NCOA1: variants seen among roughly 807,000 people sequenced by gnomAD.
The protein encoded by NCOA1 is nuclear receptor coactivator 1, also known as Hin-2 protein.
In NCOA1, 35 loss-of-function variants were observed where a neutral mutation model predicts 150.9. The ratio of observed to expected loss-of-function variants is 0.23; its 90% confidence interval spans 0.18 to 0.31. The LOEUF (loss-of-function observed/expected upper bound fraction) is 0.31. Among genes scored for constraint, NCOA1 ranks in the 10% least tolerant of loss-of-function variants. The pLI, the probability that NCOA1 is intolerant of heterozygous loss-of-function variation, is 1.00. For missense variants in NCOA1, 1,491 were observed against 1,749.3 expected (o/e 0.85, Z 2.63); for synonymous variants, 590 against 630.0 (o/e 0.94, Z 0.95).
chr2:24,676,792 C>A (rs998537667), intron 7 of NCOA1, among the ~76,000 whole-genome samples: 12 of 152,024 alleles, frequency 7.9e-5, no homozygotes, highest in African/African-American at 2.9e-4. Flanking sequence ...CCAAACTGAT[C>A]TGATAAAACT....
chr2:24,543,154 T>C (rs1381757890), intron 1 of NCOA1, among the ~76,000 whole-genome samples: 1 of 152,152 alleles, frequency 6.6e-6, no homozygotes, highest in Non-Finnish European at 1.5e-5. Flanking sequence ...TAGGGGCTTA[T>C]GGTGAGGACC....
intron 3 of NCOA1, among the ~76,000 whole-genome samples, chr2:24,585,591 G>A (rs1572451454): frequency 6.6e-6 from 1 of 151,636 alleles, no homozygotes; most frequent in Non-Finnish European, 1.5e-5. Context: ...ATGTTTATTG[G>A]CTATTGGTCT....
chr2:24,738,757 C>T (rs1464727062), intron 17 of NCOA1, among the ~76,000 whole-genome samples: 2 of 152,166 alleles, frequency 1.3e-5, no homozygotes, highest in African/African-American at 2.4e-5. Flanking sequence ...GCTGTTTTCC[C>T]AGCACATCTA....
At chr2:24,635,314 A>C (rs1036949797) in intron 3 of NCOA1, among the ~76,000 whole-genome samples, 1 of 152,038 alleles carries the variant, frequency 6.6e-6, no homozygotes, top group African/African-American at 2.4e-5. Context: ...TCCCTAAGTA[A>C]GTGTGCTCAG....
intron 3 of NCOA1, among the ~76,000 whole-genome samples, chr2:24,642,622 T>C (rs1670283268): frequency 6.6e-6 from 1 of 152,172 alleles, no homozygotes. Flanking sequence ...ACTCAGCAAT[T>C]ACAGTCCTGG....
chr2:24,718,980 G>A (rs1674210882), intron 14 of NCOA1, among the ~76,000 whole-genome samples: 1 of 117,884 alleles, frequency 8.5e-6, no homozygotes, highest in African/African-American at 3.3e-5. Flanking sequence ...AGTTAGCCGA[G>A]ATCGCACCAT....
chr2:24,721,619 T>C (rs1305434724), intron 14 of NCOA1, among the ~76,000 whole-genome samples: 2 of 152,218 alleles, frequency 1.3e-5, no homozygotes, highest in Non-Finnish European at 2.9e-5. Context: ...AACTCCCATT[T>C]TGAGTCATAT....
intron 21 of NCOA1, among the ~76,000 whole-genome samples, chr2:24,760,682 C>G (rs1247811620): frequency 1.3e-5 from 2 of 152,112 alleles, no homozygotes; most frequent in East Asian, 3.8e-4. Flanking sequence ...TCCCCTCTGG[C>G]TGATTTTGAT....
intron 2 of NCOA1, among the ~76,000 whole-genome samples, chr2:24,580,252 G>T (rs1434549352): frequency 4.6e-5 from 7 of 152,110 alleles, no homozygotes; most frequent in Admixed American, 4.6e-4. Context: ...GGTTCACTCG[G>T]CTTCTTGAAT....
At chr2:24,662,929 A>G (rs556384957) in intron 5 of NCOA1, among the ~76,000 whole-genome samples, 1 of 151,622 alleles carries the variant, frequency 6.6e-6, no homozygotes, top group South Asian at 2.1e-4. Flanking sequence ...CTAGGACTAC[A>G]GGCGCACACC....
chr2:24,660,137 G>A (rs1572555152), intron 5 of NCOA1, among the ~76,000 whole-genome samples: 1 of 152,178 alleles, frequency 6.6e-6, no homozygotes, highest in East Asian at 1.9e-4. Flanking sequence ...ATGCTGGGAG[G>A]AAGGTTGAGA....
At chr2:24,577,097 A>G (rs1667020482) in intron 2 of NCOA1, among the ~76,000 whole-genome samples, 1 of 151,662 alleles carries the variant, frequency 6.6e-6, no homozygotes, top group African/African-American at 2.4e-5. Flanking sequence ...GCTGGATTAT[A>G]TTTTCTTTAT....
chr2:24,762,702 C>G lies in NCOA1; in HGVS notation c.4081C>G (p.Leu1361Val). The change falls in exon 22 of 23, where the codon CTG becomes GTG. Residue 1361 changes from leucine to valine, a missense_variant. Leu to Val is a conservative substitution (Grantham distance 32, BLOSUM62 1). Around this residue, in one of 8 missense-constraint regions of NCOA1, gnomAD observed 485 missense variants for 522.8 expected, o/e 0.93. Transcript: ENST00000348332. The stretch of plus-strand genomic sequence containing the variant: ...TCTTTAATAGATAAATGATCCCGCA[C>G]TGAGACACACAGGCCTCTACTGCAA... ...VCPEQINDPA[L>V]RHTGLYCNQL... 1.9e-6 allele frequency: 3 copies of G among 1,614,006 alleles called. No homozygotes were observed. Among genetic ancestry groups the G allele is most frequent in the Non-Finnish European group, 2.5e-6 (3 of 1,179,860 alleles).
chr2:24,647,965 A>C (rs1283162423), intron 4 of NCOA1, among the ~76,000 whole-genome samples: 1 of 152,152 alleles, frequency 6.6e-6, no homozygotes, highest in Non-Finnish European at 1.5e-5. Flanking sequence ...TTGTTATCAT[A>C]ATTATTATTC....
chr2:24,574,786 C>T (rs1441430087), intron 2 of NCOA1, among the ~76,000 whole-genome samples: 1 of 151,906 alleles, frequency 6.6e-6, no homozygotes, highest in East Asian at 1.9e-4. Flanking sequence ...TTGACAGGTT[C>T]CCCCCCTTCC....
intron 1 of NCOA1, among the ~76,000 whole-genome samples, chr2:24,544,466 G>A (rs939136599): frequency 6.6e-6 from 1 of 152,194 alleles, no homozygotes; most frequent in African/African-American, 2.4e-5. Context: ...ATTCTGGCTG[G>A]GTGCGGTGGC....
intron 1 of NCOA1, among the ~76,000 whole-genome samples, chr2:24,547,353 A>T (rs1665643286): frequency 6.6e-6 from 1 of 152,196 alleles, no homozygotes; most frequent in South Asian, 2.1e-4. Context: ...CTTGTCATTC[A>T]CTATAAATTT....
chr2:24,642,194 A>T (rs1408903658), intron 3 of NCOA1, among the ~76,000 whole-genome samples: 5 of 151,856 alleles, frequency 3.3e-5, no homozygotes, highest in Non-Finnish European at 1.5e-5. Flanking sequence ...TCTGTTGTTA[A>T]GTCTGGCCAG....
In NCOA1 at chr2:24,519,554, T is replaced by G. The variant is rs185973617; in HGVS notation, c.-396+27952T>G. On this transcript the variant is annotated intron_variant, in intron 1 of 22. Transcript: ENST00000348332. ...AGAAAACACGGTTGGGCATGGTAGC[T>G]CACATCTGTAATCCCAGCACTTTGG... 2.0e-5 allele frequency among the ~76,000 whole-genome samples: 3 copies of G among 151,202 alleles called. No homozygotes were observed. In the East Asian group the frequency reaches 5.9e-4, roughly 30 times the overall value.
Sources: gnomAD v4.1 joint callset for allele counts (sites outside exome capture counted in the v4.1 genomes callset) on GRCh38, gnomAD v4.1.1 for gene constraint, gnomAD v4.1.1 regional missense constraint, MANE v1.5 for transcripts, NCBI Gene and HGNC (gene_info 2026-07-23, HGNC 2026-07-21) for gene names.